SHISA7: variants seen among roughly 807,000 people sequenced by gnomAD.
The protein encoded by SHISA7 is protein shisa-7.
A neutral mutation model predicts 23.9 loss-of-function variants in SHISA7; 6 were observed. That is an observed-to-expected ratio of 0.25 (90% confidence interval 0.14 to 0.50). SHISA7 has a LOEUF of 0.50. Ranked by LOEUF, SHISA7 falls within the 20% of genes least tolerant of loss-of-function variation. The pLI, the probability that SHISA7 is intolerant of heterozygous loss-of-function variation, is 0.98. For synonymous variants in SHISA7, 386 were observed against 398.3 expected, an observed-to-expected ratio of 0.97 and a Z score of 0.37; for missense variants, 671 against 801.1, an observed-to-expected ratio of 0.84 and a Z score of 1.96.
Position 55,442,205 on chromosome 19 carries a change from A to C in SHISA7, c.659T>G (p.Ile220Ser), listed in dbSNP as rs1283067142. ...AGAGCACACGCACCTGGGCACGTTG[A>C]TATCCCGGTGCGCCCGGGGCGCACG... is the stretch of plus-strand genomic sequence containing the variant. ...ASRAPRAHRD[I>S]NVPRALVDIL... Residue 220 changes from isoleucine (I) to serine (S), a missense_variant, in exon 1 of 4, where the codon ATC becomes AGC. Coordinates refer to ENST00000376325, the MANE Select transcript of SHISA7 (RefSeq NM_001145176.2). 1.3e-6 allele frequency: 2 copies of C among 1,533,318 alleles called. No individual in the cohort carries two copies. The highest frequency in any genetic ancestry group is 3.9e-5 in the Admixed American group (2 of 50,868). The allele number at this position is 1,533,318 out of a possible 1,614,324, so 95.0% of individuals were successfully genotyped here.
chr19:55,436,603 CAAAAA>C (rs35561645), intron 3 of SHISA7, among the ~76,000 whole-genome samples: 3 of 114,646 alleles, frequency 2.6e-5, no homozygotes, highest in East Asian at 5.2e-4. Context: ...GACTCTGTCT[CAAAAA>C]AAAAAAAAAA....
In SHISA7 at chr19:55,440,681, G is replaced by C; in HGVS notation, c.756C>G (p.Ile252Met). 8.0e-7 allele frequency: 1 copy of C among 1,249,692 alleles called. No homozygotes were observed. Among genetic ancestry groups the C allele is most frequent in the Non-Finnish European group, 1.0e-6 (1 of 988,370 alleles). 77.4% of individuals were successfully genotyped at this position (1,249,692 alleles called of 1,614,324 possible). A position where few individuals can be genotyped will look rare whatever the true frequency, so the allele number is the denominator to read the frequency against. The change falls in exon 2 of 4, where the codon ATC (isoleucine) becomes ATG (methionine). Residue 252 changes from isoleucine to methionine, a missense_variant. Ile to Met is a conservative substitution (Grantham distance 10). Transcript: ENST00000376325. ...TGGGGGGCATGCTGTCGGGACCGCC[G>C]ATCCCCGGGGTCAGGGAGCTGCTTC... is the stretch of plus-strand genomic sequence containing the variant. ...RARSSSLTPG[I>M]GGPDSMPPRT...
chr19:55,434,422 ATGG>A (rs1985314431), intron 3 of SHISA7, among the ~76,000 whole-genome samples: 1 of 58,884 alleles, frequency 1.7e-5, no homozygotes, highest in Admixed American at 1.9e-4. Flanking sequence ...GTGTGTGTGT[ATGG>A]TGTGTGTGTG....
In SHISA7 at chr19:55,442,668, C is replaced by A; in HGVS notation, c.196G>T (p.Ala66Ser). Residue 66 changes from alanine (A) to serine (S), a missense_variant, in exon 1 of 4, where the codon GCG becomes TCG. Physicochemically the swap from Ala to Ser is moderately conservative, Grantham distance 99 (BLOSUM62 1). Around this residue, in one of 5 missense-constraint regions of SHISA7, gnomAD observed 96 missense variants for 113.1 expected, o/e 0.85. Coordinates refer to ENST00000376325, the MANE Select transcript of SHISA7 (RefSeq NM_001145176.2). The part of the protein sequence containing the change: ...PGANGTRTGP[A>S]GGAGAAARAP... Reference sequence around the variant, plus strand: ...CGGGCCGCCGCGCCCGCCCCGCCCGCGGGGCCGGTCCTGGTGCCGTTGGCG... The same window carrying A: ...CGGGCCGCCGCGCCCGCCCCGCCCGAGGGGCCGGTCCTGGTGCCGTTGGCG... The A allele has an allele frequency of 1.6e-6, 2 of 1,241,090 alleles. No homozygotes were observed. Among genetic ancestry groups the A allele is most frequent in the Non-Finnish European group, 1.0e-6 (1 of 982,588 alleles). 76.9% of individuals were successfully genotyped at this position (1,241,090 alleles called of 1,614,324 possible).
At chr19:55,438,267 G>A (rs1485906085) in intron 2 of SHISA7, among the ~76,000 whole-genome samples, 1 of 152,212 alleles carries the variant, frequency 6.6e-6, no homozygotes, top group Non-Finnish European at 1.5e-5. Context: ...CTCAGGAGAC[G>A]GGCTTGATGC....
chr19:55,442,471 G>T lies in SHISA7; in HGVS notation c.393C>A (p.Tyr131Ter). Residue 131 changes from tyrosine (Y) to a stop codon, truncating the protein, a stop_gained, in exon 1 of 4, where the codon TAC (tyrosine) becomes TAA (stop). Coordinates refer to ENST00000376325, the MANE Select transcript of SHISA7 (RefSeq NM_001145176.2). LOFTEE classifies it high-confidence loss of function. The stretch of plus-strand genomic sequence containing the variant: ...GCGTGGTGGCCCAGCGCGGCGTGTC[G>T]TAGTTGGAGCAGGAGGCCTGCGCCA... ...MRLAQASCSN[Y>*]DTPRWATTPP... 6.9e-7 allele frequency: 1 copy of T among 1,454,278 alleles called. No individual in the cohort carries two copies. The highest frequency in any genetic ancestry group is 9.1e-7 in the Non-Finnish European group (1 of 1,102,556). 90.1% of individuals were successfully genotyped at this position (1,454,278 alleles called of 1,614,324 possible).
intron 2 of SHISA7, 123 bp downstream of exon 2, chr19:55,440,488 C>T: frequency 1.1e-6 from 1 of 930,048 alleles, no homozygotes; most frequent in Non-Finnish European, 1.4e-6. Flanking sequence ...CAGTGCAAGG[C>T]GGGCGTAGGG....
At position 55,428,914 on chromosome 19, in the gene SHISA7, C is replaced by T. The variant is rs1985096996; in HGVS notation, c.*4242G>A. ...CTTCAGGTGTGGAACTATTTATCTT[C>T]TCCCTGTGAAGTGCCCCCTCCCATG... is the stretch of plus-strand genomic sequence containing the variant. On this transcript the variant is annotated 3_prime_UTR_variant, in exon 4 of 4. Transcript: ENST00000376325. 1.3e-5 allele frequency: 2 copies of T among 152,370 alleles called. No homozygotes were observed. Among genetic ancestry groups the T allele is most frequent in the African/African-American group, 4.8e-5 (2 of 41,424 alleles). 9.4% of individuals were successfully genotyped at this position (152,370 alleles called of 1,614,324 possible). A position where few individuals can be genotyped will look rare whatever the true frequency, so the allele number is the denominator to read the frequency against.
At chr19:55,437,419 TA>T (rs924232185) in intron 3 of SHISA7, among the ~76,000 whole-genome samples, 185 bp downstream of exon 3, 9 of 151,018 alleles carry the variant, frequency 6.0e-5, no homozygotes, top group African/African-American at 1.7e-4. Context: ...AAGGTTGCAT[TA>T]AAAAAAAATC....
intron 2 of SHISA7, among the ~76,000 whole-genome samples, chr19:55,438,040 C>G (rs536767983): frequency 4.9e-4 from 70 of 141,852 alleles, no homozygotes; most frequent in African/African-American, 1.7e-3. Flanking sequence ...GTCCAGGCCC[C>G]CAGCCCCTCC....
Position 55,432,176 on chromosome 19 carries a change from C to T in SHISA7, c.*980G>A, listed in dbSNP as rs1162100213. 1 of 152,816 alleles carries T rather than the reference C, an allele frequency of 6.5e-6. No homozygotes were observed. The highest frequency in any genetic ancestry group is 2.4e-5 in the African/African-American group (1 of 41,454). The allele number at this position is 152,816 out of a possible 1,614,324, so 9.5% of individuals were successfully genotyped here. ...GGCGGCTCCCCAGCGATGCTTCCTTCAGACAACATCTCAGGACAGGGCCCC... is the reference window on the plus strand; with the variant it reads ...GGCGGCTCCCCAGCGATGCTTCCTTTAGACAACATCTCAGGACAGGGCCCC... On this transcript the variant is annotated 3_prime_UTR_variant, in exon 4 of 4. Coordinates refer to ENST00000376325, the MANE Select transcript of SHISA7 (RefSeq NM_001145176.2). This position sits in a 1 kb window ranked among gnomAD's most constrained non-coding sequence, Gnocchi z 4.6.
intron 2 of SHISA7, 97 bp downstream of exon 2, chr19:55,440,488 CGGGCGTAGGGGGTGAGGGCGGGTCCT>C: frequency 1.1e-5 from 10 of 930,050 alleles, no homozygotes; most frequent in Non-Finnish European, 1.4e-5. Flanking sequence ...CAGTGCAAGG[CGGGCGTAGGGGGTGAGGGCGGGTCCT>C]GGGCGATGGG....
At position 55,433,157 on chromosome 19, in the gene SHISA7, C is replaced by T. The variant is rs1250085679; in HGVS notation, c.1616G>A (p.Ter539=). The change falls in exon 4 of 4, where the codon TGA becomes TAA. Residue 539 remains the stop codon, a stop_retained_variant. Transcript: ENST00000376325. This position sits in a 1 kb window ranked among gnomAD's most constrained non-coding sequence, Gnocchi z 8.4. ...AGCCCCCCAGACCCGGCCCTGGCCT[C>T]AGACAGTCACCTCGTTCTTGCTGGC... is the stretch of plus-strand genomic sequence containing the variant. ...RTASKNEVTV[*] 6.6e-7 allele frequency: 1 copy of T among 1,520,388 alleles called. No homozygotes were observed. The highest frequency in any genetic ancestry group is 8.8e-7 in the Non-Finnish European group (1 of 1,139,022). 94.2% of individuals were successfully genotyped at this position (1,520,388 alleles called of 1,614,324 possible).
At chr19:55,436,986 C>CCACT (rs2123353235) in intron 3 of SHISA7, among the ~76,000 whole-genome samples, 1 of 152,312 alleles carries the variant, frequency 6.6e-6, no homozygotes, top group African/African-American at 2.4e-5. Context: ...GAAGGCTGCT[C>CCACT]CACTGTCAGC....
rs1215623170 is a variant in SHISA7 at position 55,432,603 on chromosome 19, T to C, written c.*553A>G. 1 of 152,766 alleles carries C rather than the reference T, an allele frequency of 6.5e-6. No homozygotes were observed. Among genetic ancestry groups the C allele is most frequent in the African/African-American group, 2.4e-5 (1 of 41,430 alleles). The allele number at this position is 152,766 out of a possible 1,614,324, so 9.5% of individuals were successfully genotyped here. A position where few individuals can be genotyped will look rare whatever the true frequency, so the allele number is the denominator to read the frequency against. On this transcript the variant is annotated 3_prime_UTR_variant, in exon 4 of 4. Transcript: ENST00000376325. The surrounding 1 kb of genome is among the most constrained non-coding windows in gnomAD (Gnocchi z 4.6). ...ATGATGACATCATAGGACAGAGGCA[T>C]CTTCTCTGCTGCAAAGACACAGGGA...
chr19:55,439,270 C>T (rs150105278), intron 2 of SHISA7, among the ~76,000 whole-genome samples: 1 of 152,348 alleles, frequency 6.6e-6, no homozygotes, highest in Non-Finnish European at 1.5e-5. Flanking sequence ...TGCCACCATG[C>T]TGTTCTCACT....
At chr19:55,434,114 C>T (rs1985291875) in intron 3 of SHISA7, among the ~76,000 whole-genome samples, 1 of 152,154 alleles carries the variant, frequency 6.6e-6, no homozygotes, top group South Asian at 2.1e-4. Flanking sequence ...GAGTTGTGAC[C>T]TGTTAGGTTG....
intron 1 of SHISA7, 80 bp downstream of exon 1, chr19:55,442,113 C>T: frequency 7.4e-7 from 1 of 1,359,266 alleles, no homozygotes; most frequent in Non-Finnish European, 9.8e-7. Flanking sequence ...TCCCTGCAGC[C>T]CCTCCTCCTC....
At chr19:55,436,922 T>C (rs1288139477) in intron 3 of SHISA7, among the ~76,000 whole-genome samples, 1 of 151,882 alleles carries the variant, frequency 6.6e-6, no homozygotes, top group East Asian at 1.9e-4. Flanking sequence ...GAAAACATAG[T>C]GGTAATAAAG....
Sources: allele counts gnomAD v4.1 joint callset (sites outside exome capture counted in the v4.1 genomes callset), GRCh38; gene constraint gnomAD v4.1.1; regional missense constraint gnomAD v4.1.1; non-coding constraint Gnocchi (gnomAD v3.1); transcripts MANE v1.5; gene names NCBI Gene and HGNC (gene_info 2026-07-23, HGNC 2026-07-21).